The following DNAAF1 variants were observed in gnomAD, a reference collection of about 807,000 sequenced individuals.
DNAAF1 encodes dynein assembly factor 1, axonemal.
A neutral mutation model predicts 71.1 loss-of-function variants in DNAAF1; 65 were observed. The observed-to-expected ratio is 0.91, with a 90% confidence interval of 0.75 to 1.12. The LOEUF is 1.12. Among genes scored for constraint, DNAAF1 ranks in the 50% most tolerant of loss-of-function variants. The pLI, the probability that DNAAF1 is intolerant of heterozygous loss-of-function variation, is 0.00. For synonymous variants in DNAAF1, 414 were observed against 354.6 expected (o/e 1.17, Z -1.88); for missense variants, 1,178 against 899.8 (o/e 1.31, Z -3.96).
chr16:84,148,494 A>G (rs1163890126), intron 1 of DNAAF1, among the ~76,000 whole-genome samples: 2 of 151,892 alleles, frequency 1.3e-5, no homozygotes, highest in African/African-American at 2.4e-5. Flanking sequence ...CACCTGTACA[A>G]GAGTTTTTAT....
intron 1 of DNAAF1, among the ~76,000 whole-genome samples, chr16:84,145,973 T>C (rs2086883488): frequency 6.6e-6 from 1 of 152,104 alleles, no homozygotes; most frequent in Admixed American, 6.5e-5. Flanking sequence ...GGCGGGCGCC[T>C]GTAGTCTCAG....
rs200135738 is a variant in DNAAF1, at chr16:84,163,872, T to TGG, written c.864-1911_864-1910insGG. On this transcript the variant is annotated intron_variant, in intron 6 of 11. Coordinates refer to ENST00000378553, the MANE Select transcript of DNAAF1 (RefSeq NM_178452.6). ...AAAATTAATAGACTTTTTTTTTTTT[T>TGG]TGTGGGGGACAGCGTTTTGCTCTGT... 3.9e-5 allele frequency among the ~76,000 whole-genome samples: 5 copies of TGG among 128,480 alleles called. No homozygotes were observed. In the East Asian group the frequency reaches 7.1e-4, roughly 18 times the overall value. 84.3% of individuals were successfully genotyped at this position (128,480 alleles called of 152,430 possible).
intron 2 of DNAAF1, 95 bp downstream of exon 2, chr16:84,149,237 A>G (rs974811321): frequency 9.3e-6 from 14 of 1,503,968 alleles, no homozygotes; most frequent in African/African-American, 2.8e-5. Flanking sequence ...AGGCTGGTAG[A>G]GATTGAATTG....
intron 7 of DNAAF1, among the ~76,000 whole-genome samples, chr16:84,167,019 C>G (rs2088045233): frequency 6.6e-6 from 1 of 152,142 alleles, no homozygotes; most frequent in South Asian, 2.1e-4. Flanking sequence ...GGGCAATGGT[C>G]TCGCAAGATG....
intron 1 of DNAAF1, among the ~76,000 whole-genome samples, chr16:84,145,958 G>A (rs1334351109): frequency 6.6e-6 from 1 of 152,092 alleles, no homozygotes; most frequent in Non-Finnish European, 1.5e-5. Flanking sequence ...TGAGCTGGGC[G>A]TGGTGGCGGG....
rs562994245 is a variant in DNAAF1 at position 84,161,036 on chromosome 16, G to A, written c.863+1240G>A. On this transcript the variant is annotated intron_variant, in intron 6 of 11. Transcript: ENST00000378553. ...CCCCAGGTCTGGGGGTGGTAAGGACGGGGAGAGCAGCCAGTGTGCAGGGGT... is the reference window on the plus strand; with the variant it reads ...CCCCAGGTCTGGGGGTGGTAAGGACAGGGAGAGCAGCCAGTGTGCAGGGGT... 1.3e-3 allele frequency among the ~76,000 whole-genome samples: 192 copies of A among 152,226 alleles called. 4 individuals carry two copies. In the South Asian group the frequency reaches 0.035, roughly 28 times the overall value.
At chr16:84,173,562 G>A in intron 9 of DNAAF1, 1 of 984,020 alleles carries the variant, frequency 1.0e-6, no homozygotes, top group Non-Finnish European at 1.2e-6. Context: ...GGCCAGGTGT[G>A]GAGGCTTACA....
At position 84,157,540 on chromosome 16, in the gene DNAAF1, C is replaced by A. The variant is rs374606723; in HGVS notation, c.741+1791C>A. Among the ~76,000 whole-genome samples, 21 of 151,542 alleles carry A rather than the reference C, an allele frequency of 1.4e-4. 1 individual carries two copies. The highest frequency in any genetic ancestry group is 5.1e-4 in the African/African-American group (21 of 41,242). On this transcript the variant is annotated intron_variant, in intron 5 of 11. Coordinates refer to ENST00000378553, the MANE Select transcript of DNAAF1 (RefSeq NM_178452.6). ...AAAAAAAAAAAAAAAAATTCCCGTC[C>A]TTTGGGCTTGAGAACCCGTCAGGTT...
At chr16:84,169,013 C>T (rs562799171) in intron 7 of DNAAF1, among the ~76,000 whole-genome samples, 7 of 151,098 alleles carry the variant, frequency 4.6e-5, no homozygotes, top group South Asian at 2.1e-4. Context: ...CAGTGCCTTC[C>T]GTAGGCATTT....
At chr16:84,174,450 TC>T in intron 9 of DNAAF1, 1 of 1,425,796 alleles carries the variant, frequency 7.0e-7, no homozygotes, top group Non-Finnish European at 9.2e-7. Context: ...CCTTGCAAGT[TC>T]CCTTTCATTT....
intron 8 of DNAAF1, 105 bp from the exon 9 acceptor site, chr16:84,172,155 G>C: frequency 9.4e-7 from 1 of 1,060,406 alleles, no homozygotes; most frequent in African/African-American, 1.6e-5. Flanking sequence ...GGGATTACAG[G>C]CATGAGCCAC....
chr16:84,149,430 G>A (rs2087078264), intron 2 of DNAAF1, among the ~76,000 whole-genome samples: 1 of 152,172 alleles, frequency 6.6e-6, no homozygotes, highest in African/African-American at 2.4e-5. Context: ...AGTGGCTCAT[G>A]CCTGTAATCC....
In DNAAF1 at chr16:84,149,053, C is replaced by G. The variant is rs762251815; in HGVS notation, c.171C>G (p.Ser57=). The change falls in exon 2 of 12, where the codon TCC becomes TCG. Residue 57 remains serine (S), a synonymous_variant. Coordinates refer to ENST00000378553, the MANE Select transcript of DNAAF1 (RefSeq NM_178452.6). Reference sequence around the variant, plus strand: ...TATGTGTGGGTTCTTCTGACACATCCTACCACAGCCAGCAGAAACAGAGTG... The same window carrying G: ...TATGTGTGGGTTCTTCTGACACATCGTACCACAGCCAGCAGAAACAGAGTG... ...KEICVGSSDT[S]YHSQQKQSGD... is the part of the protein sequence containing the mutation. 6.1e-5 allele frequency: 98 copies of G among 1,613,936 alleles called. No homozygotes were observed. Among genetic ancestry groups the G allele is most frequent in the Non-Finnish European group, 7.8e-5 (92 of 1,179,992 alleles).
At chr16:84,164,873 AT>A (rs1291660796) in intron 6 of DNAAF1, among the ~76,000 whole-genome samples, 6 of 152,222 alleles carry the variant, frequency 3.9e-5, no homozygotes, top group Admixed American at 3.9e-4. Flanking sequence ...ACCATTTCGC[AT>A]TCCCACCTAG....
intron 6 of DNAAF1, among the ~76,000 whole-genome samples, chr16:84,161,940 C>T (rs1160533284): frequency 6.6e-6 from 1 of 152,298 alleles, no homozygotes; most frequent in African/African-American, 2.4e-5. Flanking sequence ...TCAGCTCTTA[C>T]ATTCACTGCT....
chr16:84,163,680 T>C (rs1009709283), intron 6 of DNAAF1, among the ~76,000 whole-genome samples: 1 of 151,862 alleles, frequency 6.6e-6, no homozygotes, highest in Non-Finnish European at 1.5e-5. Context: ...CACCCAGCCC[T>C]GTCTTTTTAT....
intron 7 of DNAAF1, among the ~76,000 whole-genome samples, chr16:84,167,934 T>G (rs1277653996): frequency 6.6e-6 from 1 of 152,046 alleles, no homozygotes; most frequent in Non-Finnish European, 1.5e-5. Flanking sequence ...GGAGAATTGC[T>G]TGAACCTGGG....
In DNAAF1 at chr16:84,150,263, T is replaced by A. The variant is rs201879363; in HGVS notation, c.273T>A (p.Ser91Arg). The change falls in exon 3 of 12, where the codon AGT becomes AGA. Residue 91 changes from serine (S) to arginine (R), a missense_variant. Physicochemically the swap from Ser to Arg is moderately radical, Grantham distance 110 (BLOSUM62 -1). Transcript: ENST00000378553. ...TCCATTTTAACAGAATGACTAAAAG[T>A]TCCCTGCAAAAACTCTGCAAGCAGC... ...REDRGPRMTK[S>R]SLQKLCKQHK... 2 of 1,613,168 alleles carry A rather than the reference T, an allele frequency of 1.2e-6. No homozygotes were observed. Among genetic ancestry groups the A allele is most frequent in the African/African-American group, 2.7e-5 (2 of 75,028 alleles).
chr16:84,172,568 T>C, intron 9 of DNAAF1, 193 bp downstream of exon 9: 2 of 1,421,008 alleles, frequency 1.4e-6, no homozygotes, highest in Non-Finnish European at 1.8e-6. Flanking sequence ...AGAATCCAAC[T>C]TTCATGCACT....
Sources: allele counts gnomAD v4.1 joint callset (sites outside exome capture counted in the v4.1 genomes callset), GRCh38; gene constraint gnomAD v4.1.1; transcripts MANE v1.5; gene names NCBI Gene and HGNC (gene_info 2026-07-23, HGNC 2026-07-21).